SMYD3: variants seen among roughly 807,000 people sequenced by gnomAD.
SMYD3 encodes histone-lysine N-methyltransferase SMYD3.
In SMYD3, 36 loss-of-function variants were observed where a neutral mutation model predicts 57.7. The observed-to-expected ratio is 0.62, with a 90% CI of 0.48 to 0.82. The LOEUF (loss-of-function observed/expected upper bound fraction) is 0.82, where lower values mean the gene tolerates loss of function less well. SMYD3 is among the 40% of genes least tolerant of loss of function. The pLI is 0.00. For synonymous variants in SMYD3, 211 were observed against 195.0 expected (o/e 1.08, Z -0.68); for missense variants, 515 against 538.8 (o/e 0.96, Z 0.44).
chr1:246,449,300 T>C (rs986790851), intron 1 of SMYD3, among the ~76,000 whole-genome samples: 3 of 152,176 alleles, frequency 2.0e-5, no homozygotes, highest in African/African-American at 7.2e-5. Context: ...CCAAATTGAA[T>C]AGATGGTGGT....
chr1:246,449,511 G>C lies in SMYD3; in HGVS notation c.164+57543C>G, dbSNP rs367766321. Among the ~76,000 whole-genome samples the C allele has an allele frequency of 2.0e-5, 3 of 152,176 alleles. No individual in the cohort carries two copies. In the South Asian group the frequency reaches 6.2e-4, roughly 32 times the overall value. ...ACCTGCTTTGGAGCCAGGAAGACCT[G>C]GGTTTGGAAATCTGACTTCTCCAGC... On this transcript the variant is annotated intron_variant, in intron 1 of 11. Transcript: ENST00000490107.
chr1:246,319,330 A>G lies in SMYD3; in HGVS notation c.531+7871T>C, dbSNP rs529059693. Among the ~76,000 whole-genome samples, 116 of 152,298 alleles carry G rather than the reference A, an allele frequency of 7.6e-4. 1 individual carries two copies. The highest frequency in any genetic ancestry group is 2.6e-3 in the African/African-American group (107 of 41,562). On this transcript the variant is annotated intron_variant, in intron 5 of 11. Coordinates refer to ENST00000490107, the MANE Select transcript of SMYD3 (RefSeq NM_001167740.2). ...GCATGTAGCAGTCACCACCACACGT[A>G]AACACACAAGCACCCCGGTGACTGG...
chr1:246,395,211 T>A (rs1242810139), intron 1 of SMYD3, among the ~76,000 whole-genome samples: 1 of 152,146 alleles, frequency 6.6e-6, no homozygotes, highest in Non-Finnish European at 1.5e-5. Flanking sequence ...TTTACCACTA[T>A]CCCCAAGCAA....
At chr1:246,010,602 G>A (rs749139722) in intron 5 of SMYD3, among the ~76,000 whole-genome samples, 3 of 152,160 alleles carry the variant, frequency 2.0e-5, no homozygotes, top group Non-Finnish European at 4.4e-5. Flanking sequence ...TTCATTAAAC[G>A]AACAGTGTGA....
intron 8 of SMYD3, among the ~76,000 whole-genome samples, chr1:245,909,273 G>T (rs564416928): frequency 4.6e-5 from 7 of 152,014 alleles, no homozygotes; most frequent in South Asian, 2.1e-4. Flanking sequence ...CAGAAAACGT[G>T]AACAGAACAA....
chr1:246,045,968 G>A (rs1443857136), intron 5 of SMYD3, among the ~76,000 whole-genome samples: 4 of 152,130 alleles, frequency 2.6e-5, no homozygotes, highest in Non-Finnish European at 5.9e-5. Context: ...TAAAAAGTCA[G>A]GAAACAACAG....
chr1:246,437,331 T>C (rs12046729), intron 1 of SMYD3, among the ~76,000 whole-genome samples: 1 of 152,156 alleles, frequency 6.6e-6, no homozygotes, highest in Non-Finnish European at 1.5e-5. Context: ...GTTCCCAGGG[T>C]CTTCACACTT....
At chr1:246,281,499 T>G (rs1197889519) in intron 5 of SMYD3, among the ~76,000 whole-genome samples, 1 of 152,178 alleles carries the variant, frequency 6.6e-6, no homozygotes, top group Non-Finnish European at 1.5e-5. Flanking sequence ...GATCATATCA[T>G]ACCGCAATGT....
chr1:245,821,604 C>A (rs1454701955), intron 10 of SMYD3, among the ~76,000 whole-genome samples: 4 of 143,318 alleles, frequency 2.8e-5, no homozygotes, highest in African/African-American at 1.0e-4. Flanking sequence ...TCAGAGTGAA[C>A]AGGCAACCTA....
intron 5 of SMYD3, among the ~76,000 whole-genome samples, chr1:246,205,490 T>A (rs771586569): frequency 1.3e-5 from 2 of 152,188 alleles, no homozygotes; most frequent in Non-Finnish European, 2.9e-5. Flanking sequence ...TTTTGTTCAA[T>A]CCAGGCATAA....
At chr1:246,220,995 T>C (rs2148421530) in intron 5 of SMYD3, among the ~76,000 whole-genome samples, 1 of 151,274 alleles carries the variant, frequency 6.6e-6, no homozygotes, top group South Asian at 2.1e-4. Context: ...AACAGACAGA[T>C]GATGGGACGA....
intron 8 of SMYD3, among the ~76,000 whole-genome samples, chr1:245,886,488 C>T (rs539784001): frequency 2.0e-5 from 3 of 152,210 alleles, no homozygotes; most frequent in East Asian, 1.9e-4. Flanking sequence ...CAATTAATAC[C>T]CAGTACAATT....
chr1:246,068,993 T>C (rs542765951), intron 5 of SMYD3, among the ~76,000 whole-genome samples: 1 of 152,342 alleles, frequency 6.6e-6, no homozygotes, highest in South Asian at 2.1e-4. Flanking sequence ...GAAGAATCAC[T>C]GACTAGGATA....
chr1:246,374,859 G>A (rs1213787009), intron 1 of SMYD3, among the ~76,000 whole-genome samples: 6 of 151,492 alleles, frequency 4.0e-5, no homozygotes, highest in African/African-American at 9.7e-5. Context: ...TTGGGGGGCC[G>A]AGGCAGGCGG....
intron 5 of SMYD3, among the ~76,000 whole-genome samples, chr1:246,312,176 T>C (rs998240403): frequency 2.0e-5 from 3 of 152,160 alleles, no homozygotes; most frequent in East Asian, 3.9e-4. Context: ...TGGCATGAGA[T>C]GAAGCTTGCA....
At chr1:245,815,915 G>C (rs2048778811) in intron 10 of SMYD3, among the ~76,000 whole-genome samples, 1 of 152,166 alleles carries the variant, frequency 6.6e-6, no homozygotes, top group Admixed American at 6.5e-5. Flanking sequence ...TGATCCTTCG[G>C]ATTCATCAAA....
intron 5 of SMYD3, among the ~76,000 whole-genome samples, chr1:246,296,220 C>G (rs1007678719): frequency 3.9e-5 from 6 of 152,152 alleles, no homozygotes; most frequent in African/African-American, 1.2e-4. Context: ...ATGAAAATCA[C>G]ATGGATTTTC....
chr1:245,842,988 G>T (rs1027936111), intron 10 of SMYD3, among the ~76,000 whole-genome samples: 6 of 152,142 alleles, frequency 3.9e-5, no homozygotes, highest in Non-Finnish European at 8.8e-5. Context: ...TGAGATTACA[G>T]GTGTGAGCCA....
At chr1:246,395,877 G>T (rs2066662842) in intron 1 of SMYD3, among the ~76,000 whole-genome samples, 4 of 152,202 alleles carry the variant, frequency 2.6e-5, no homozygotes, top group Admixed American at 2.6e-4. Flanking sequence ...TCTATGCTCT[G>T]CCACCACCTA....
Sources: allele counts gnomAD v4.1 joint callset (sites outside exome capture counted in the v4.1 genomes callset), GRCh38; gene constraint gnomAD v4.1.1; transcripts MANE v1.5; gene names NCBI Gene and HGNC (gene_info 2026-07-23, HGNC 2026-07-21).